Variants in LRIG2 observed in about 807,000 individuals in gnomAD.
The protein encoded by LRIG2 is leucine rich repeats and immunoglobulin like domains 2.
Under a neutral mutation model 107.8 loss-of-function variants are expected in LRIG2, and 93 were observed. The observed-to-expected ratio is 0.86, with a 90% CI of 0.73 to 1.03. LRIG2 has a LOEUF of 1.03. LRIG2 is among the 50% of genes least tolerant of loss of function. The pLI, the probability that LRIG2 is intolerant of heterozygous loss-of-function variation, is 0.00. For synonymous variants in LRIG2, 471 were observed against 470.6 expected (o/e 1.00, Z -0.01); for missense variants, 1,226 against 1,296.0 (o/e 0.95, Z 0.83).
chr1:113,085,628 A>G (rs1311548554), intron 1 of LRIG2, among the ~76,000 whole-genome samples: 7 of 152,162 alleles, frequency 4.6e-5, no homozygotes, highest in Admixed American at 4.6e-4. Flanking sequence ...ATAGCTAGCC[A>G]TTTCTAGTTC....
chr1:113,075,258 T>C (rs1246610811), intron 1 of LRIG2, among the ~76,000 whole-genome samples: 1 of 151,860 alleles, frequency 6.6e-6, no homozygotes, highest in Non-Finnish European at 1.5e-5. Context: ...GAAGTGCAAT[T>C]AAAATATGAG....
chr1:113,107,927 G>C lies in LRIG2; in HGVS notation c.1477+170G>C, dbSNP rs1654607189. 9.9e-6 allele frequency: 6 copies of C among 606,306 alleles called. No homozygotes were observed. In the South Asian group the frequency reaches 1.4e-4, roughly 14 times the overall value. The allele number at this position is 606,306 out of a possible 1,614,324, so 37.6% of individuals were successfully genotyped here. ...AATGAATGAAGGCTTTTCTCTTTTA[G>C]AGGGACTGTTAACCTTAGGTTAGGT... On this transcript the variant is annotated intron_variant, in intron 12 of 17. Transcript: ENST00000361127.
intron 2 of LRIG2, 62 bp downstream of exon 2, chr1:113,091,445 A>G: frequency 9.2e-7 from 1 of 1,084,404 alleles, no homozygotes; most frequent in Non-Finnish European, 1.3e-6. Flanking sequence ...ATAAATTGTG[A>G]TTTGTGGGAT....
chr1:113,119,487 A>G lies in LRIG2; in HGVS notation c.2935A>G (p.Ser979Gly). Residue 979 changes from serine to glycine, a missense_variant, in exon 17 of 18, where the codon AGT (serine) becomes GGT (glycine). Coordinates refer to ENST00000361127, the MANE Select transcript of LRIG2 (RefSeq NM_014813.3). ...SAFPTNHERI[S>G]EKKLPSTQMS... Reference sequence around the variant, plus strand: ...CTTTCCCACCAACCATGAGAGGATAAGTGAGAAGAAACTTCCCTCCACACA... The same window carrying G: ...CTTTCCCACCAACCATGAGAGGATAGGTGAGAAGAAACTTCCCTCCACACA... The G allele has an allele frequency of 6.2e-7, 1 of 1,614,190 alleles. No homozygotes were observed.
rs1654033793 is a variant in LRIG2 at position 113,095,785 on chromosome 1, G to C, written c.804-89G>C. The C allele has an allele frequency of 3.0e-6, 4 of 1,346,246 alleles. 1 individual carries two copies. In the Admixed American group the frequency reaches 7.0e-5, roughly 24 times the overall value. The allele number at this position is 1,346,246 out of a possible 1,614,324, so 83.4% of individuals were successfully genotyped here. ...TCAGTTGGGTTGAACAAAGGTATAT[G>C]CTTCTCTGGGAAAAACTTAAGATTT... On this transcript the variant is annotated intron_variant, in intron 6 of 17. Coordinates refer to ENST00000361127, the MANE Select transcript of LRIG2 (RefSeq NM_014813.3).
At chr1:113,074,185 C>T (rs1425708199) in intron 1 of LRIG2, among the ~76,000 whole-genome samples, 1 of 152,136 alleles carries the variant, frequency 6.6e-6, no homozygotes, top group African/African-American at 2.4e-5. Context: ...TTGAAAAGTT[C>T]ATTATGATGA....
chr1:113,092,116 GT>G (rs757346081), intron 2 of LRIG2, among the ~76,000 whole-genome samples: 19 of 152,332 alleles, frequency 1.2e-4, no homozygotes, highest in Non-Finnish European at 1.8e-4. Context: ...TGAGTACACA[GT>G]TGACAAGTTT....
intron 11 of LRIG2, among the ~76,000 whole-genome samples, chr1:113,104,028 G>T (rs1207167850): frequency 6.6e-6 from 1 of 152,112 alleles, no homozygotes; most frequent in East Asian, 1.9e-4. Context: ...AATCCCCTCT[G>T]TTTGAGCCCC....
rs1570740353 is a variant in LRIG2, at chr1:113,093,135, G to T, written c.306-71G>T. On this transcript the variant is annotated intron_variant, in intron 2 of 17. Transcript: ENST00000361127. Reference sequence around the variant, plus strand: ...CACCTATTCTAAAGAATATGTGTTAGCCAGAAGGTAGAATCCAAGAGGTAA... The same window carrying T: ...CACCTATTCTAAAGAATATGTGTTATCCAGAAGGTAGAATCCAAGAGGTAA... 4 of 943,654 alleles carry T rather than the reference G, an allele frequency of 4.2e-6. No individual in the cohort carries two copies. In the South Asian group the frequency reaches 6.0e-5, roughly 14 times the overall value. The allele number at this position is 943,654 out of a possible 1,614,324, so 58.5% of individuals were successfully genotyped here.
intron 1 of LRIG2, among the ~76,000 whole-genome samples, chr1:113,087,952 C>G (rs897943051): frequency 6.6e-6 from 1 of 152,168 alleles, no homozygotes; most frequent in Non-Finnish European, 1.5e-5. Flanking sequence ...ACAACCCTAG[C>G]GCTTAGTCCA....
At chr1:113,081,765 C>T (rs189484375) in intron 1 of LRIG2, among the ~76,000 whole-genome samples, 4 of 152,304 alleles carry the variant, frequency 2.6e-5, no homozygotes, top group Admixed American at 2.6e-4. Flanking sequence ...AGGTGATCCG[C>T]CCACCTCAGC....
chr1:113,093,775 A>G (rs953435915), intron 4 of LRIG2, among the ~76,000 whole-genome samples: 1 of 152,104 alleles, frequency 6.6e-6, no homozygotes, highest in Non-Finnish European at 1.5e-5. Context: ...AAGTATAATA[A>G]TAATAAATAA....
Position 113,095,853 on chromosome 1 carries a change from T to C in LRIG2, c.804-21T>C, listed in dbSNP as rs1017704751. ...TGCCTTGTTTTGGAACGTATTTTCTTCTCTTTCTCTAATTCTGCAGAGAAC... is the reference window on the plus strand; with the variant it reads ...TGCCTTGTTTTGGAACGTATTTTCTCCTCTTTCTCTAATTCTGCAGAGAAC... On this transcript the variant is annotated intron_variant, in intron 6 of 17. Coordinates refer to ENST00000361127, the MANE Select transcript of LRIG2 (RefSeq NM_014813.3). 11 of 1,613,852 alleles carry C rather than the reference T, an allele frequency of 6.8e-6. No homozygotes were observed. In the South Asian group the frequency reaches 7.7e-5, roughly 11 times the overall value.
rs568786391 is a variant in LRIG2, at chr1:113,115,465, C to T, written c.2530+589C>T. Among the ~76,000 whole-genome samples, 5 of 152,202 alleles carry T rather than the reference C, an allele frequency of 3.3e-5. No individual in the cohort carries two copies. In the East Asian group the frequency reaches 9.6e-4, roughly 29 times the overall value. The stretch of plus-strand genomic sequence containing the variant: ...GGCTCTAGCAATTTGTCCACCTTGG[C>T]CTCTCAAAGTGCTGGGATTACAGGC... On this transcript the variant is annotated intron_variant, in intron 15 of 17. Transcript: ENST00000361127.
chr1:113,123,914 T>C lies in LRIG2; in HGVS notation c.3011T>C (p.Leu1004Pro). Residue 1004 changes from leucine to proline, a missense_variant, in exon 18 of 18, where the codon CTA becomes CCA. By Grantham distance (98) the Leu-to-Pro change is moderately conservative. This residue lies in a region of LRIG2 where 642 missense variants were observed against 712.2 expected (regional missense o/e 0.90). Coordinates refer to ENST00000361127, the MANE Select transcript of LRIG2 (RefSeq NM_014813.3). ...CCCGTGTGGAACATAAACAGAGAACTAGGCCTGCCTCATCCTCCTTTTTCC... is the reference window on the plus strand; with the variant it reads ...CCCGTGTGGAACATAAACAGAGAACCAGGCCTGCCTCATCCTCCTTTTTCC... Reference protein sequence around the residue: ...QRPVWNINRELGLPHPPFSQQ... With the variant: ...QRPVWNINREPGLPHPPFSQQ... The C allele has an allele frequency of 6.2e-7, 1 of 1,614,176 alleles. No individual in the cohort carries two copies. The highest frequency in any genetic ancestry group is 2.2e-5 in the East Asian group (1 of 44,880).
chr1:113,120,880 G>A (rs563765597), intron 17 of LRIG2, among the ~76,000 whole-genome samples: 8 of 150,060 alleles, frequency 5.3e-5, no homozygotes, highest in Admixed American at 2.7e-4. Flanking sequence ...GTCCAGTGGC[G>A]TGATCTCAAC....
At chr1:113,092,989 C>CAAAAAAAAAAG in intron 2 of LRIG2, among the ~76,000 whole-genome samples, 1 of 123,994 alleles carries the variant, frequency 8.1e-6, no homozygotes, top group Non-Finnish European at 1.7e-5. Context: ...AACTCTGTTT[C>CAAAAAAAAAAG]AAAAAAAAAA....
At chr1:113,119,085 C>T in intron 16 of LRIG2, 148 bp from the exon 17 acceptor site, 1 of 678,056 alleles carries the variant, frequency 1.5e-6, no homozygotes, top group East Asian at 2.7e-5. Flanking sequence ...AATCAATTCA[C>T]AGAAATGGCT....
intron 14 of LRIG2, among the ~76,000 whole-genome samples, chr1:113,113,672 C>T (rs969752875): frequency 6.6e-6 from 1 of 151,782 alleles, no homozygotes; most frequent in African/African-American, 2.4e-5. Context: ...AAGTGATTCT[C>T]CTGCCTCAGC....
Sources: allele counts gnomAD v4.1 joint callset (sites outside exome capture counted in the v4.1 genomes callset), GRCh38; gene constraint gnomAD v4.1.1; regional missense constraint gnomAD v4.1.1; transcripts MANE v1.5; gene names NCBI Gene and HGNC (gene_info 2026-07-23, HGNC 2026-07-21).